CAMSAP1: variants seen among roughly 807,000 people sequenced by gnomAD.
The protein encoded by CAMSAP1 is calmodulin regulated spectrin associated protein 1, also known as calmodulin-regulated spectrin-associated protein 1.
A neutral mutation model predicts 143.5 loss-of-function variants in CAMSAP1; 58 were observed. That is an observed-to-expected ratio of 0.40 (90% CI 0.33 to 0.50). The LOEUF (loss-of-function observed/expected upper bound fraction) is 0.50. Among genes scored for constraint, CAMSAP1 ranks in the 20% least tolerant of loss-of-function variants. CAMSAP1 has a pLI of 0.45. For synonymous variants in CAMSAP1, 945 were observed against 859.3 expected (o/e 1.10, Z -1.74); for missense variants, 1,969 against 2,115.7 (o/e 0.93, Z 1.36).
chr9:135,885,885 C>CCAGA (rs1388564931), intron 1 of CAMSAP1, among the ~76,000 whole-genome samples: 4 of 152,188 alleles, frequency 2.6e-5, no homozygotes, highest in Non-Finnish European at 4.4e-5. Context: ...AAGACCCTGG[C>CCAGA]CAGACCCCCA....
At chr9:135,874,356 CA>C (rs879720416) in intron 3 of CAMSAP1, among the ~76,000 whole-genome samples, 81 of 151,218 alleles carry the variant, frequency 5.4e-4, no homozygotes, top group Admixed American at 2.9e-3. Context: ...GCTGTAGTCC[CA>C]GCTATTCAGC....
rs113539678 is a variant in CAMSAP1 at position 135,816,044 on chromosome 9, G to A, written c.4272-39C>T. ...CAGACAAGAGACAGGCAGGTGAAGC[G>A]CTGGCTTCCTCTCACCACTGCTGGC... On this transcript the variant is annotated intron_variant, in intron 14 of 16. Coordinates refer to ENST00000389532, the MANE Select transcript of CAMSAP1 (RefSeq NM_015447.4). 686 of 1,583,366 alleles carry A rather than the reference G, an allele frequency of 4.3e-4. 4 individuals carry two copies. In the African/African-American group the frequency reaches 5.7e-3, roughly 13 times the overall value.
chr9:135,850,869 G>T (rs1019515678), intron 5 of CAMSAP1, among the ~76,000 whole-genome samples: 2 of 152,238 alleles, frequency 1.3e-5, no homozygotes, highest in African/African-American at 4.8e-5. Context: ...GCAGGGGGAA[G>T]GGAAATGAAT....
intron 16 of CAMSAP1, among the ~76,000 whole-genome samples, chr9:135,813,227 C>T (rs937301052): frequency 6.6e-5 from 10 of 152,308 alleles, no homozygotes; most frequent in South Asian, 2.1e-4. Flanking sequence ...CCCAAGTGTG[C>T]GGCAGAACCT....
chr9:135,859,768 T>C (rs1837111721), intron 5 of CAMSAP1, among the ~76,000 whole-genome samples: 1 of 152,106 alleles, frequency 6.6e-6, no homozygotes, highest in African/African-American at 2.4e-5. Context: ...CACACCTTCC[T>C]GTAAACTGTT....
chr9:135,833,316 C>T (rs1466897872), intron 7 of CAMSAP1, among the ~76,000 whole-genome samples: 5 of 152,126 alleles, frequency 3.3e-5, no homozygotes, highest in South Asian at 2.1e-4. Context: ...CTCCTGACCT[C>T]GTGATCCGCC....
Position 135,907,211 on chromosome 9 carries a change from C to G in CAMSAP1, c.-52G>C. The G allele has an allele frequency of 9.7e-7, 1 of 1,026,528 alleles. No homozygotes were observed. Among genetic ancestry groups the G allele is most frequent in the Non-Finnish European group, 1.2e-6 (1 of 854,178 alleles). The allele number at this position is 1,026,528 out of a possible 1,614,324, so 63.6% of individuals were successfully genotyped here. ...CCCGGCCGCAACAAAGGCGCCGCCG[C>G]CCCTCGCCGCGCCGGGCCCGGTGCG... On this transcript the variant is annotated 5_prime_UTR_variant, in exon 1 of 17. Transcript: ENST00000389532.
intron 15 of CAMSAP1, 78 bp from the exon 16 acceptor site, chr9:135,815,293 T>G: frequency 1.1e-6 from 1 of 895,290 alleles, no homozygotes; most frequent in Non-Finnish European, 1.7e-6. Context: ...CAGCAATGTC[T>G]TAGAAGCAAG....
intron 1 of CAMSAP1, among the ~76,000 whole-genome samples, chr9:135,886,568 C>T (rs1838129345): frequency 6.6e-6 from 1 of 152,232 alleles, no homozygotes; most frequent in South Asian, 2.1e-4. Context: ...GGCTCTTGTG[C>T]GTGCCTGCGC....
chr9:135,817,637 G>A (rs1000360977), intron 14 of CAMSAP1, among the ~76,000 whole-genome samples: 1 of 152,096 alleles, frequency 6.6e-6, no homozygotes, highest in African/African-American at 2.4e-5. Flanking sequence ...AGGCCCAAGT[G>A]ATCCTCCTGC....
At chr9:135,837,853 C>G (rs567666790) in intron 7 of CAMSAP1, among the ~76,000 whole-genome samples, 1 of 151,248 alleles carries the variant, frequency 6.6e-6, no homozygotes, top group African/African-American at 2.4e-5. Context: ...ACTTTCTACC[C>G]CTTCTACAGA....
rs1835349294 is a variant in CAMSAP1, at chr9:135,819,140, G to A, written c.3829C>T (p.Gln1277Ter). The A allele has an allele frequency of 1.2e-6, 2 of 1,601,188 alleles. No individual in the cohort carries two copies. The highest frequency in any genetic ancestry group is 1.3e-5 in the African/African-American group (1 of 74,556). Residue 1277 changes from glutamine (Q) to a stop codon, truncating the protein, a stop_gained, in exon 12 of 17, where the codon CAG becomes TAG. Coordinates refer to ENST00000389532, the MANE Select transcript of CAMSAP1 (RefSeq NM_015447.4). LOFTEE classifies it high-confidence loss of function. ...TTGGCGAGCTCATCTTCCGCTTTCT[G>A]TTCATCCTGCAAGACAGAGGCCACA... is the stretch of plus-strand genomic sequence containing the variant. ...PGVGFFFKDE[Q>*]KAEDELAKKR...
chr9:135,836,214 C>G (rs1175402237), intron 7 of CAMSAP1: 1 of 985,222 alleles, frequency 1.0e-6, no homozygotes, highest in Non-Finnish European at 1.2e-6. Flanking sequence ...CACACATCGC[C>G]AAGTACCTTC....
At chr9:135,891,555 C>T (rs2131007181) in intron 1 of CAMSAP1, among the ~76,000 whole-genome samples, 1 of 152,332 alleles carries the variant, frequency 6.6e-6, no homozygotes, top group East Asian at 1.9e-4. Context: ...GGGTTTATTG[C>T]AACCCAGCTG....
At chr9:135,813,277 G>A (rs897981476) in intron 16 of CAMSAP1, among the ~76,000 whole-genome samples, 5 of 152,184 alleles carry the variant, frequency 3.3e-5, no homozygotes, top group African/African-American at 1.2e-4. Context: ...TGGACGGAGG[G>A]CCCGAGCGGC....
At chr9:135,812,895 G>A (rs1234668046) in intron 16 of CAMSAP1, among the ~76,000 whole-genome samples, 1 of 151,834 alleles carries the variant, frequency 6.6e-6, no homozygotes, top group African/African-American at 2.4e-5. Context: ...GGTGGAGGTT[G>A]CAGTGAGCTG....
In CAMSAP1 at chr9:135,823,249, T is replaced by C; in HGVS notation, c.1412A>G (p.Gln471Arg). The change falls in exon 11 of 17, where the codon CAG becomes CGG. Residue 471 changes from glutamine to arginine, a missense_variant. Gln to Arg is a conservative substitution (Grantham distance 43). Transcript: ENST00000389532. ...GTGATGTAGAGCAAAAGGTGTTGGC[T>C]GGGACGCAGGCCTGAAACACAGGGA... ...WPEKKTRPAS[Q>R]PTPFALHHAA... The C allele has an allele frequency of 1.9e-6, 3 of 1,549,844 alleles. No homozygotes were observed. Among genetic ancestry groups the C allele is most frequent in the Admixed American group, 1.9e-5 (1 of 53,092 alleles).
At chr9:135,877,755 G>A (rs558373009) in intron 3 of CAMSAP1, among the ~76,000 whole-genome samples, 1 of 152,156 alleles carries the variant, frequency 6.6e-6, no homozygotes, top group African/African-American at 2.4e-5. Flanking sequence ...AGGCTGCAGT[G>A]AGCCGCAATG....
At chr9:135,875,033 A>C (rs1837693416) in intron 3 of CAMSAP1, among the ~76,000 whole-genome samples, 1 of 152,200 alleles carries the variant, frequency 6.6e-6, no homozygotes, top group African/African-American at 2.4e-5. Flanking sequence ...CAGAACGGAG[A>C]GAGATAAGCA....
Sources: gnomAD v4.1 joint callset for allele counts (sites outside exome capture counted in the v4.1 genomes callset) on GRCh38, gnomAD v4.1.1 for gene constraint, MANE v1.5 for transcripts, NCBI Gene and HGNC (gene_info 2026-07-23, HGNC 2026-07-21) for gene names.